The following ZAN variants were observed in gnomAD, a reference collection of about 807,000 sequenced individuals.
ZAN encodes the protein zonadhesin (gene/pseudogene).
Under a neutral mutation model 286.2 loss-of-function variants are expected in ZAN, and 260 were observed. The ratio of observed to expected loss-of-function variants is 0.91; its 90% CI spans 0.82 to 1.01. The LOEUF (loss-of-function observed/expected upper bound fraction) is 1.01. ZAN is among the 50% of genes least tolerant of loss of function. The pLI is 0.00. For synonymous variants in ZAN, 1,368 were observed against 1,417.5 expected (o/e 0.97, Z 0.79); for missense variants, 3,410 against 3,639.2 (o/e 0.94, Z 1.62).
chr7:100,735,812 C>T lies in ZAN; in HGVS notation c.106+40C>T. The stretch of plus-strand genomic sequence containing the variant: ...AGGAGTGCTAAGATTTCTCCTCCCT[C>T]CTCCGAACCCACATTCTGCCACCAG... On this transcript the variant is annotated intron_variant, in intron 3 of 47. Coordinates refer to ENST00000613979, the MANE Select transcript of ZAN (RefSeq NM_003386.3). The T allele has an allele frequency of 6.5e-6, 9 of 1,388,560 alleles. 2 individuals carry two copies. The highest frequency in any genetic ancestry group is 8.9e-6 in the Non-Finnish European group (9 of 1,008,416). 86.0% of individuals were successfully genotyped at this position (1,388,560 alleles called of 1,614,324 possible). A position where few individuals can be genotyped will look rare whatever the true frequency, so the allele number is the denominator to read the frequency against.
At chr7:100,773,053 G>A (rs1810494805) in intron 29 of ZAN, among the ~76,000 whole-genome samples, 1 of 151,738 alleles carries the variant, frequency 6.6e-6, no homozygotes, top group African/African-American at 2.4e-5. Flanking sequence ...ACAGGCGTGT[G>A]CCACCACGCC....
chr7:100,795,166 C>T (rs1458482084), intron 44 of ZAN, 30 bp from the exon 45 acceptor site: 2 of 1,595,636 alleles, frequency 1.3e-6, no homozygotes. Context: ...TCCCAGGGCC[C>T]CCCTCCCACA....
In ZAN at chr7:100,753,138, G is replaced by A. The variant is rs1808898666; in HGVS notation, c.3033G>A (p.Gly1011=). The A allele has an allele frequency of 8.1e-6, 13 of 1,613,762 alleles. No individual in the cohort carries two copies. The highest frequency in any genetic ancestry group is 3.3e-5 in the Admixed American group (2 of 59,978). The change falls in exon 14 of 48, where the codon GGG becomes GGA. Residue 1011 remains glycine, a synonymous_variant. Transcript: ENST00000613979. ...RPPHPSPTAT[G]LAALVMSPHA... is the part of the protein sequence containing the mutation. ...CCCATCCCAGCCCCACAGCCACTGGGCTGGCAGCCTTGGTGATGTCTCCAC... is the reference window on the plus strand; with the variant it reads ...CCCATCCCAGCCCCACAGCCACTGGACTGGCAGCCTTGGTGATGTCTCCAC...
intron 7 of ZAN, among the ~76,000 whole-genome samples, chr7:100,743,595 G>C (rs1807967443): frequency 6.6e-6 from 1 of 152,046 alleles, no homozygotes; most frequent in South Asian, 2.1e-4. Context: ...TTAAAAACTA[G>C]GCCAGGTGCA....
chr7:100,792,130 C>G lies in ZAN; in HGVS notation c.7694C>G (p.Ala2565Gly). The G allele has an allele frequency of 2.5e-6, 4 of 1,609,366 alleles. No individual in the cohort carries two copies. The highest frequency in any genetic ancestry group is 3.4e-6 in the Non-Finnish European group (4 of 1,178,190). ...GPFAACHQTV[A>G]PEPFQEHCVL... ...TTTGCTGCCTGTCACCAGACGGTGG[C>G]CCCAGAGCCCTTCCAAGAGTGAGTC... The change falls in exon 41 of 48, where the codon GCC becomes GGC. Residue 2565 changes from alanine (A) to glycine (G), a missense_variant. Coordinates refer to ENST00000613979, the MANE Select transcript of ZAN (RefSeq NM_003386.3).
At chr7:100,779,927 G>A (rs540550263) in intron 35 of ZAN, among the ~76,000 whole-genome samples, 177 bp downstream of exon 35, 1 of 152,224 alleles carries the variant, frequency 6.6e-6, no homozygotes, top group Non-Finnish European at 1.5e-5. Context: ...GGGTGTGGTG[G>A]CTCACGCCTA....
chr7:100,750,756 G>T lies in ZAN; in HGVS notation c.1381G>T (p.Glu461Ter). The change falls in exon 12 of 48, where the codon GAG becomes TAG. Residue 461 changes from glutamate to a stop codon, truncating the protein, a stop_gained. Coordinates refer to ENST00000613979, the MANE Select transcript of ZAN (RefSeq NM_003386.3). LOFTEE classifies it high-confidence loss of function. Reference sequence around the variant, plus strand: ...CGCATACCACATGTATGGCCTTGGGGAGGGTACTATGCTCGAACTCCTCCT... The same window carrying T: ...CGCATACCACATGTATGGCCTTGGGTAGGGTACTATGCTCGAACTCCTCCT... ...EFAYHMYGLGEGTMLELLLGS... is the reference protein window; with the variant it reads ...EFAYHMYGLG The T allele has an allele frequency of 6.2e-7, 1 of 1,613,338 alleles. No individual in the cohort carries two copies. Among genetic ancestry groups the T allele is most frequent in the Non-Finnish European group, 8.5e-7 (1 of 1,179,676 alleles).
chr7:100,747,448 G>A (rs994251718), intron 8 of ZAN, 102 bp from the exon 9 acceptor site: 22 of 882,436 alleles, frequency 2.5e-5, no homozygotes, highest in East Asian at 4.9e-5. Flanking sequence ...GGTGGTAATC[G>A]TCCCCAGCTA....
intron 11 of ZAN, among the ~76,000 whole-genome samples, 191 bp from the exon 12 acceptor site, chr7:100,750,434 C>G (rs369185312): frequency 9.2e-5 from 14 of 152,292 alleles, no homozygotes; most frequent in Admixed American, 5.2e-4. Flanking sequence ...CGTGCCTGGC[C>G]GCTTTTCCCT....
intron 45 of ZAN, among the ~76,000 whole-genome samples, chr7:100,795,863 G>A (rs1367326195): frequency 6.6e-6 from 1 of 151,608 alleles, no homozygotes; most frequent in African/African-American, 2.4e-5. Context: ...CCAAGATCAA[G>A]CCACTGCACT....
Position 100,737,069 on chromosome 7 carries a change from C to G in ZAN, c.514C>G (p.Leu172Val). The change falls in exon 5 of 48, where the codon CTG (leucine) becomes GTG (valine). Residue 172 changes from leucine to valine, a missense_variant. Coordinates refer to ENST00000613979, the MANE Select transcript of ZAN (RefSeq NM_003386.3). Reference sequence around the variant, plus strand: ...CGTCACTGTGCCCGCAGGGTTCACCCTGCCCACCCGGGTAAGGCCGGGGAC... The same window carrying G: ...CGTCACTGTGCCCGCAGGGTTCACCGTGCCCACCCGGGTAAGGCCGGGGAC... ...TTVTVPAGFT[L>V]PTRLMFEGTR... is the part of the protein sequence containing the mutation. 6.7e-7 allele frequency: 1 copy of G among 1,495,190 alleles called. No individual in the cohort carries two copies. 92.6% of individuals were successfully genotyped at this position (1,495,190 alleles called of 1,614,324 possible).
chr7:100,762,247 G>A lies in ZAN; in HGVS notation c.3875G>A (p.Gly1292Glu). Residue 1292 changes from glycine to glutamate, a missense_variant, in exon 20 of 48, where the codon GGG (glycine) becomes GAG (glutamate). Around this residue, in one of 7 missense-constraint regions of ZAN, gnomAD observed 1,042 missense variants for 1,058.0 expected, o/e 0.98. Transcript: ENST00000613979. ...TCTGGCAAACTCTGTGGTTTGTGTG[G>A]GAACTATGACGGCAACAGTGACAAT... ...TYSGKLCGLC[G>E]NYDGNSDNDH... is the part of the protein sequence containing the mutation. 1 of 1,613,398 alleles carries A rather than the reference G, an allele frequency of 6.2e-7. No homozygotes were observed. Among genetic ancestry groups the A allele is most frequent in the Non-Finnish European group, 8.5e-7 (1 of 1,179,666 alleles).
intron 11 of ZAN, among the ~76,000 whole-genome samples, chr7:100,749,758 A>G (rs1192034914): frequency 6.7e-6 from 1 of 150,346 alleles, no homozygotes; most frequent in African/African-American, 2.4e-5. Flanking sequence ...TTTTAAAAAG[A>G]CAATAATGAG....
intron 36 of ZAN, 129 bp downstream of exon 36, chr7:100,784,963 G>A (rs1400921208): frequency 1.9e-6 from 2 of 1,072,852 alleles, no homozygotes; most frequent in South Asian, 1.7e-5. Flanking sequence ...AGGCTGGTGT[G>A]AGTGGCACAT....
At chr7:100,786,658 G>T (rs533373805) in intron 37 of ZAN, among the ~76,000 whole-genome samples, 2 of 152,122 alleles carry the variant, frequency 1.3e-5, no homozygotes, top group Non-Finnish European at 2.9e-5. Flanking sequence ...TGTTCCTCCT[G>T]CCTCAGCCTC....
In ZAN at chr7:100,771,858, T is replaced by C. The variant is rs1183360924; in HGVS notation, c.5263T>C (p.Cys1755Arg). The C allele has an allele frequency of 1.9e-6, 3 of 1,612,080 alleles. No individual in the cohort carries two copies. The highest frequency in any genetic ancestry group is 1.7e-5 in the Admixed American group (1 of 59,958). Residue 1755 changes from cysteine (C) to arginine (R), a missense_variant, in exon 29 of 48, where the codon TGT (cysteine) becomes CGT (arginine). Transcript: ENST00000613979. The part of the protein sequence containing the change: ...LINPQGPFSQ[C>R]HQVVPPQSSF... ...TCTTCCTGCAGGACCCTTCTCTCAA[T>C]GTCACCAGGTGGTGCCTCCCCAGTC...
chr7:100,775,117 A>T (rs1810661377), intron 31 of ZAN, among the ~76,000 whole-genome samples: 1 of 151,790 alleles, frequency 6.6e-6, no homozygotes, highest in African/African-American at 2.4e-5. Flanking sequence ...TTTAGTAGAG[A>T]CGGGTTTTTA....
chr7:100,792,249 C>T (rs1304046653), intron 41 of ZAN, 101 bp downstream of exon 41: 15 of 1,495,526 alleles, frequency 1.0e-5, no homozygotes, highest in Non-Finnish European at 1.3e-5. Context: ...CTGTGTGGTT[C>T]ACTCCTCCGT....
intron 29 of ZAN, among the ~76,000 whole-genome samples, chr7:100,772,832 A>T (rs1306349983): frequency 7.4e-6 from 1 of 135,862 alleles, no homozygotes; most frequent in Non-Finnish European, 1.6e-5. Context: ...GAAAAAAAAA[A>T]TTGTTAAAAT....
Sources: gnomAD v4.1 joint callset for allele counts (sites outside exome capture counted in the v4.1 genomes callset) on GRCh38, gnomAD v4.1.1 for gene constraint, gnomAD v4.1.1 regional missense constraint, MANE v1.5 for transcripts, NCBI Gene and HGNC (gene_info 2026-07-23, HGNC 2026-07-21) for gene names.